CCM2: variants seen among roughly 807,000 people sequenced by gnomAD.
CCM2 encodes the protein cerebral cavernous malformations 2 protein.
Under a neutral mutation model 44.9 loss-of-function variants are expected in CCM2, and 25 were observed. The ratio of observed to expected loss-of-function variants is 0.56; its 90% CI spans 0.41 to 0.78. CCM2 has a LOEUF of 0.78. Ranked by LOEUF, CCM2 falls within the 30% of genes least tolerant of loss-of-function variation. The probability of loss-of-function intolerance (pLI) is 0.00; values close to 1 mark genes in which losing one functional copy is unlikely to be tolerated. For synonymous variants in CCM2, 219 were observed against 241.1 expected (o/e 0.91, Z 0.85); for missense variants, 481 against 580.6 (o/e 0.83, Z 1.76).
chr7:45,024,540 C>T (rs979111077), intron 1 of CCM2, among the ~76,000 whole-genome samples: 6 of 152,128 alleles, frequency 3.9e-5, no homozygotes, highest in South Asian at 2.1e-4. Flanking sequence ...GGATGATCCT[C>T]GTTTTGCTGG....
intron 1 of CCM2, among the ~76,000 whole-genome samples, chr7:45,019,359 A>T (rs1159774955): frequency 6.6e-6 from 1 of 151,512 alleles, no homozygotes; most frequent in East Asian, 1.9e-4. Context: ...GAGCCACCGC[A>T]CCTGGCTGGG....
chr7:45,014,449 T>C (rs1041983823), intron 1 of CCM2, among the ~76,000 whole-genome samples: 1 of 151,844 alleles, frequency 6.6e-6, no homozygotes, highest in Non-Finnish European at 1.5e-5. Flanking sequence ...TATTTTAATT[T>C]TTAATTGCAG....
At chr7:45,020,164 TA>T (rs1346137726) in intron 1 of CCM2, among the ~76,000 whole-genome samples, 1 of 152,200 alleles carries the variant, frequency 6.6e-6, no homozygotes, top group Non-Finnish European at 1.5e-5. Context: ...TAAAGCAATA[TA>T]AAAGTGGATC....
chr7:45,068,384 C>T, intron 4 of CCM2, 59 bp from the exon 5 acceptor site: 1 of 1,611,578 alleles, frequency 6.2e-7, no homozygotes, highest in Non-Finnish European at 8.5e-7. Context: ...GCTGTTTCCT[C>T]AAGTGCCCCC....
chr7:45,071,729 G>T (rs1310315475), intron 6 of CCM2: 1 of 456,340 alleles, frequency 2.2e-6, no homozygotes, highest in Non-Finnish European at 4.4e-6. Context: ...TTGGCTCATG[G>T]CCCTTCCTCT....
intron 1 of CCM2, chr7:45,027,664 A>G: frequency 6.2e-7 from 1 of 1,614,024 alleles, no homozygotes. Flanking sequence ...GAGGGCTAAC[A>G]TCTGGCCATA....
At chr7:45,001,450 ACAGAAG>A (rs1795623850) in intron 1 of CCM2, among the ~76,000 whole-genome samples, 1 of 152,284 alleles carries the variant, frequency 6.6e-6, no homozygotes, top group East Asian at 1.9e-4. Flanking sequence ...CGTGCTGCGC[ACAGAAG>A]AGGGAGGAGC....
intron 2 of CCM2, among the ~76,000 whole-genome samples, chr7:45,061,176 C>CTG: frequency 6.6e-6 from 1 of 152,316 alleles, no homozygotes; most frequent in Non-Finnish European, 1.5e-5. Flanking sequence ...CACAGGGGTC[C>CTG]TGTTGATGTG....
chr7:45,007,529 G>A (rs777857187), intron 1 of CCM2, among the ~76,000 whole-genome samples: 2 of 152,082 alleles, frequency 1.3e-5, no homozygotes, highest in African/African-American at 2.4e-5. Context: ...TTAGCCTTGT[G>A]TCTGTGCCAA....
At chr7:45,001,981 C>T (rs1401096693) in intron 1 of CCM2, among the ~76,000 whole-genome samples, 1 of 152,090 alleles carries the variant, frequency 6.6e-6, no homozygotes, top group Non-Finnish European at 1.5e-5. Context: ...TAGCTTGTTT[C>T]CTGTAGACAA....
chr7:45,018,452 G>A (rs1350204762), intron 1 of CCM2, among the ~76,000 whole-genome samples: 1 of 152,058 alleles, frequency 6.6e-6, no homozygotes, highest in African/African-American at 2.4e-5. Context: ...CACCTCCTGG[G>A]TTCAAGTGAT....
chr7:45,043,628 C>CAAA, intron 2 of CCM2: 25 of 285,642 alleles, frequency 8.8e-5, no homozygotes, highest in South Asian at 1.1e-4. Context: ...GACTCCATCC[C>CAAA]AAAAAAAAAA....
intron 8 of CCM2, 68 bp downstream of exon 8, chr7:45,073,639 G>C: frequency 1.8e-6 from 2 of 1,138,880 alleles, no homozygotes; most frequent in Non-Finnish European, 2.6e-6. Flanking sequence ...ATGGGGGGAA[G>C]GGGAGGAGGA....
chr7:45,040,858 C>T (rs571287014), intron 2 of CCM2, among the ~76,000 whole-genome samples: 76 of 152,252 alleles, frequency 5.0e-4, no homozygotes, highest in African/African-American at 1.8e-3. Flanking sequence ...GGTGTAGTGG[C>T]ACACGCCTGT....
intron 1 of CCM2, among the ~76,000 whole-genome samples, chr7:45,023,178 G>A (rs1583866609): frequency 6.6e-6 from 1 of 152,100 alleles, no homozygotes; most frequent in African/African-American, 2.4e-5. Flanking sequence ...GTGCCTTTGT[G>A]TAGCCATAGT....
At chr7:45,002,751 G>T (rs1056938680) in intron 1 of CCM2, among the ~76,000 whole-genome samples, 1 of 152,072 alleles carries the variant, frequency 6.6e-6, no homozygotes, top group African/African-American at 2.4e-5. Flanking sequence ...GCCATGGTTC[G>T]TTTAACAAAT....
At chr7:45,072,609 G>T (rs765469710) in intron 6 of CCM2, 117 bp from the exon 7 acceptor site, 100 of 786,384 alleles carry the variant, frequency 1.3e-4, no homozygotes, top group Non-Finnish European at 2.0e-4. Context: ...AGGACAGCAG[G>T]GTCCCTGAAG....
chr7:45,071,598 A>C (rs1404304934), intron 6 of CCM2: 14 of 354,724 alleles, frequency 3.9e-5, no homozygotes, highest in Non-Finnish European at 6.6e-5. Flanking sequence ...CTATACGTTA[A>C]GAGTCCATTG....
intron 1 of CCM2, among the ~76,000 whole-genome samples, chr7:45,009,056 CT>C (rs1251353736): frequency 2.0e-5 from 3 of 152,096 alleles, no homozygotes; most frequent in Non-Finnish European, 4.4e-5. Flanking sequence ...AATCCCAGCA[CT>C]TTAGAAGGCC....
Sources: allele counts gnomAD v4.1 joint callset (sites outside exome capture counted in the v4.1 genomes callset), GRCh38; gene constraint gnomAD v4.1.1; transcripts MANE v1.5; gene names NCBI Gene and HGNC (gene_info 2026-07-23, HGNC 2026-07-21).